Variants in ADGRV1 observed in about 807,000 individuals in gnomAD.
The protein encoded by ADGRV1 is G-protein coupled receptor 98.
In ADGRV1, 359 loss-of-function variants were observed where a neutral mutation model predicts 596.2. The observed-to-expected ratio is 0.60, with a 90% CI of 0.55 to 0.66. The LOEUF is 0.66. Among genes scored for constraint, ADGRV1 ranks in the 30% least tolerant of loss-of-function variants. The probability of loss-of-function intolerance (pLI) is 0.00; values close to 1 mark genes in which losing one functional copy is unlikely to be tolerated. For missense variants in ADGRV1, 7,274 were observed against 7,575.6 expected (o/e 0.96, Z 1.48); for synonymous variants, 2,681 against 2,679.2 (o/e 1.00, Z -0.02).
intron 85 of ADGRV1, among the ~76,000 whole-genome samples, chr5:90,986,038 A>G (rs984371961): frequency 6.6e-6 from 1 of 150,432 alleles, no homozygotes; most frequent in African/African-American, 2.4e-5. Context: ...TACCCTTTTA[A>G]TCTTGAAATC....
intron 83 of ADGRV1, among the ~76,000 whole-genome samples, chr5:90,903,388 T>C (rs1772028523): frequency 1.3e-5 from 2 of 152,092 alleles, no homozygotes; most frequent in Non-Finnish European, 2.9e-5. Context: ...TTAAAAATAT[T>C]AAGCAATATT....
At chr5:91,085,713 G>A (rs1227422938) in intron 86 of ADGRV1, among the ~76,000 whole-genome samples, 1 of 152,062 alleles carries the variant, frequency 6.6e-6, no homozygotes. Flanking sequence ...TTCCACAACT[G>A]CCTCACATCT....
At position 90,777,976 on chromosome 5, in the gene ADGRV1, A is replaced by T; in HGVS notation, c.12599A>T (p.Glu4200Val). 6.2e-7 allele frequency: 1 copy of T among 1,608,502 alleles called. No individual in the cohort carries two copies. Reference sequence around the variant, plus strand: ...AGGATATTCCCTCCTTCCGTGGGGGAATTTGCTGAAACATCAGGAAAACTG... The same window carrying T: ...AGGATATTCCCTCCTTCCGTGGGGGTATTTGCTGAAACATCAGGAAAACTG... ...FWRIFPPSVG[E>V]FAETSGKLTM... is the part of the protein sequence containing the mutation. Residue 4200 changes from glutamate (E) to valine (V), a missense_variant, in exon 62 of 90, where the codon GAA becomes GTA. Physicochemically the swap from Glu to Val is moderately radical, Grantham distance 121. This residue lies in a region of ADGRV1 where 3,643 missense variants were observed against 3,809.2 expected (regional missense o/e 0.96). Coordinates refer to ENST00000405460, the MANE Select transcript of ADGRV1 (RefSeq NM_032119.4).
At chr5:91,056,611 G>T (rs1411870834) in intron 85 of ADGRV1, among the ~76,000 whole-genome samples, 1 of 152,012 alleles carries the variant, frequency 6.6e-6, no homozygotes, top group African/African-American at 2.4e-5. Flanking sequence ...CAGTAGAATG[G>T]TCGTCATTGG....
At chr5:90,991,950 A>T (rs1371667974) in intron 85 of ADGRV1, among the ~76,000 whole-genome samples, 1 of 152,246 alleles carries the variant, frequency 6.6e-6, no homozygotes, top group African/African-American at 2.4e-5. Flanking sequence ...ATCTTTGAAA[A>T]GGAATGTTGT....
chr5:91,005,567 T>C (rs1363710360), intron 85 of ADGRV1, among the ~76,000 whole-genome samples: 2 of 152,058 alleles, frequency 1.3e-5, no homozygotes, highest in African/African-American at 4.8e-5. Flanking sequence ...TCTATTGCTA[T>C]TTATGTTGTG....
chr5:90,585,357 C>T (rs180763742), intron 1 of ADGRV1, among the ~76,000 whole-genome samples: 3 of 152,146 alleles, frequency 2.0e-5, no homozygotes, highest in Non-Finnish European at 2.9e-5. Context: ...TGTGCATCAT[C>T]GTAAGTGTGG....
At chr5:91,057,875 T>C (rs150611144) in intron 85 of ADGRV1, among the ~76,000 whole-genome samples, 1 of 152,286 alleles carries the variant, frequency 6.6e-6, no homozygotes, top group Non-Finnish European at 1.5e-5. Context: ...TGAAAACTGT[T>C]TTATGGAAGG....
intron 83 of ADGRV1, among the ~76,000 whole-genome samples, chr5:90,902,337 A>G (rs747927309): frequency 2.9e-4 from 44 of 152,098 alleles, no homozygotes; most frequent in Non-Finnish European, 5.4e-4. Flanking sequence ...AGATTTTGAA[A>G]TCCCTGTTCT....
rs182234592 is a variant in ADGRV1 at position 91,048,383 on chromosome 5, A to C, written c.18153-24064A>C. On this transcript the variant is annotated intron_variant, in intron 85 of 89. Coordinates refer to ENST00000405460, the MANE Select transcript of ADGRV1 (RefSeq NM_032119.4). ...TCTGTGCAACACTTTGGCCCAATAAACTTTTGAAGTGCAAGTTTACCCAAC... is the reference window on the plus strand; with the variant it reads ...TCTGTGCAACACTTTGGCCCAATAACCTTTTGAAGTGCAAGTTTACCCAAC... Among the ~76,000 whole-genome samples the C allele has an allele frequency of 1.6e-3, 249 of 152,254 alleles. 1 individual carries two copies. Among genetic ancestry groups the C allele is most frequent in the Non-Finnish European group, 2.6e-3 (178 of 68,016 alleles).
intron 83 of ADGRV1, among the ~76,000 whole-genome samples, chr5:90,882,207 A>G (rs1037192716): frequency 1.3e-5 from 2 of 152,208 alleles, no homozygotes; most frequent in African/African-American, 4.8e-5. Flanking sequence ...TTGCTATACT[A>G]TAATTATTTT....
At chr5:91,069,958 T>G (rs1204171543) in intron 85 of ADGRV1, among the ~76,000 whole-genome samples, 1 of 151,850 alleles carries the variant, frequency 6.6e-6, no homozygotes, top group East Asian at 1.9e-4. Flanking sequence ...ATCATGTCCT[T>G]TGCGACAGCA....
At chr5:90,951,583 A>G (rs1777065629) in intron 83 of ADGRV1, among the ~76,000 whole-genome samples, 1 of 152,172 alleles carries the variant, frequency 6.6e-6, no homozygotes, top group Non-Finnish European at 1.5e-5. Context: ...AGTAATTGAC[A>G]TGTACTATAG....
At chr5:90,572,222 G>T (rs1034949353) in intron 1 of ADGRV1, among the ~76,000 whole-genome samples, 4 of 152,064 alleles carry the variant, frequency 2.6e-5, no homozygotes, top group Non-Finnish European at 5.9e-5. Flanking sequence ...CAATAACAGT[G>T]GATGTATGTT....
rs1055457146 is a variant in ADGRV1, at chr5:90,716,673, A to G, written c.9391A>G (p.Lys3131Glu). 1 of 1,613,154 alleles carries G rather than the reference A, an allele frequency of 6.2e-7. No homozygotes were observed. Among genetic ancestry groups the G allele is most frequent in the Non-Finnish European group, 8.5e-7 (1 of 1,179,140 alleles). ...VTEVNSSNES[K>E]DLTPSKGYIV... ...AGAAGTGAATTCCTCAAATGAATCTAAAGATCTGACTCCTTCCAAAGGCTA... is the reference window on the plus strand; with the variant it reads ...AGAAGTGAATTCCTCAAATGAATCTGAAGATCTGACTCCTTCCAAAGGCTA... Residue 3131 changes from lysine to glutamate, a missense_variant, in exon 43 of 90, where the codon AAA becomes GAA. Around this residue, in one of 5 missense-constraint regions of ADGRV1, gnomAD observed 3,643 missense variants for 3,809.2 expected, o/e 0.96. Coordinates refer to ENST00000405460, the MANE Select transcript of ADGRV1 (RefSeq NM_032119.4).
intron 1 of ADGRV1, among the ~76,000 whole-genome samples, chr5:90,572,228 A>G (rs1756621405): frequency 6.6e-6 from 1 of 152,176 alleles, no homozygotes; most frequent in African/African-American, 2.4e-5. Flanking sequence ...CAGTGGATGT[A>G]TGTTGATAAG....
chr5:90,708,776 G>T, intron 38 of ADGRV1, 40 bp from the exon 39 acceptor site: 1 of 1,262,152 alleles, frequency 7.9e-7, no homozygotes, highest in Non-Finnish European at 1.2e-6. Context: ...ATTACTTTGA[G>T]AGTATAACTA....
rs903645088 is a variant in ADGRV1, at chr5:90,675,304, A to C, written c.5172A>C (p.Ala1724=). ...PQPKDAMTLP[A]SSVPHITVEE... Reference sequence around the variant, plus strand: ...CTAAGGACGCAATGACCCTGCCTGCAAGCAGCGTTCCACATATCACTGTGG... The same window carrying C: ...CTAAGGACGCAATGACCCTGCCTGCCAGCAGCGTTCCACATATCACTGTGG... Residue 1724 remains alanine (A), a synonymous_variant, in exon 24 of 90, where the codon GCA becomes GCC. Transcript: ENST00000405460. 1.9e-6 allele frequency: 3 copies of C among 1,613,832 alleles called. No homozygotes were observed. The highest frequency in any genetic ancestry group is 2.5e-6 in the Non-Finnish European group (3 of 1,179,844).
chr5:90,618,910 G>A (rs1418949429), intron 3 of ADGRV1, among the ~76,000 whole-genome samples, 176 bp from the exon 4 acceptor site: 1 of 151,624 alleles, frequency 6.6e-6, no homozygotes, highest in Non-Finnish European at 1.5e-5. Flanking sequence ...TTTTCATTTG[G>A]AACTTCTTAA....
Sources: gnomAD v4.1 joint callset for allele counts (sites outside exome capture counted in the v4.1 genomes callset) on GRCh38, gnomAD v4.1.1 for gene constraint, gnomAD v4.1.1 regional missense constraint, MANE v1.5 for transcripts, NCBI Gene and HGNC (gene_info 2026-07-23, HGNC 2026-07-21) for gene names.